The following EPM2A variants were observed in gnomAD, a reference collection of about 807,000 sequenced individuals.
EPM2A encodes the protein laforin.
Under a neutral mutation model 26.5 loss-of-function variants are expected in EPM2A, and 21 were observed. The ratio of observed to expected loss-of-function variants is 0.79; its 90% confidence interval spans 0.56 to 1.14. The LOEUF (loss-of-function observed/expected upper bound fraction) is 1.14, where lower values mean the gene tolerates loss of function less well. EPM2A is among the 50% of genes most tolerant of loss of function. The pLI, the probability that EPM2A is intolerant of heterozygous loss-of-function variation, is 0.00. For missense variants in EPM2A, 458 were observed against 440.8 expected (o/e 1.04, Z -0.35); for synonymous variants, 217 against 177.6 (o/e 1.22, Z -1.76).
rs549488799 is a variant in EPM2A, at chr6:145,484,952, T to C, written c.555+17570A>G. Among the ~76,000 whole-genome samples, 175 of 149,462 alleles carry C rather than the reference T, an allele frequency of 1.2e-3. 1 individual carries two copies. The highest frequency in any genetic ancestry group is 4.0e-3 in the African/African-American group (162 of 40,896). Reference sequence around the variant, plus strand: ...TTATTTTTATTGTTTTTGTTTTATTTTGGTATTCAGGTATAGATGTCTGAT... The same window carrying C: ...TTATTTTTATTGTTTTTGTTTTATTCTGGTATTCAGGTATAGATGTCTGAT... On this transcript the variant is annotated intron_variant, in intron 4 of 4. Transcript: ENST00000638717.
chr6:145,656,510 C>T (rs985021896), intron 2 of EPM2A, among the ~76,000 whole-genome samples: 3 of 152,158 alleles, frequency 2.0e-5, no homozygotes, highest in African/African-American at 4.8e-5. Flanking sequence ...ACTTTAATAT[C>T]GAGTAAGCAA....
intron 2 of EPM2A, among the ~76,000 whole-genome samples, chr6:145,539,564 T>C (rs1055192313): frequency 2.0e-5 from 3 of 152,206 alleles, no homozygotes; most frequent in Admixed American, 2.0e-4. Context: ...ATGTCCATCA[T>C]TGTTTATAAT....
intron 4 of EPM2A, among the ~76,000 whole-genome samples, chr6:145,460,470 T>C (rs1250895316): frequency 6.6e-6 from 1 of 152,180 alleles, no homozygotes; most frequent in Non-Finnish European, 1.5e-5. Flanking sequence ...TGCACTAAAC[T>C]GGATGGAGGT....
chr6:145,493,958 T>A (rs1779787159), intron 4 of EPM2A, among the ~76,000 whole-genome samples: 1 of 152,226 alleles, frequency 6.6e-6, no homozygotes, highest in Admixed American at 6.5e-5. Flanking sequence ...TTTTGTTGTA[T>A]TTCTGCCATG....
chr6:145,581,294 G>T (rs1382741526), intron 2 of EPM2A, among the ~76,000 whole-genome samples: 4 of 152,094 alleles, frequency 2.6e-5, no homozygotes, highest in Non-Finnish European at 5.9e-5. Context: ...CTGCGTGTAT[G>T]TGTTCTTTGA....
chr6:145,685,589 G>A (rs1289085224), intron 2 of EPM2A, among the ~76,000 whole-genome samples: 1 of 152,104 alleles, frequency 6.6e-6, no homozygotes, highest in Non-Finnish European at 1.5e-5. Context: ...AGTGGGAAAG[G>A]AGAAAAGGAT....
At chr6:145,480,946 C>T (rs1286513817) in intron 4 of EPM2A, among the ~76,000 whole-genome samples, 6 of 151,976 alleles carry the variant, frequency 3.9e-5, no homozygotes, top group African/African-American at 1.4e-4. Flanking sequence ...TGTGGAAAAC[C>T]TATGAGTCTA....
At chr6:145,516,545 C>T (rs755078059) in intron 2 of EPM2A, among the ~76,000 whole-genome samples, 17 of 152,112 alleles carry the variant, frequency 1.1e-4, no homozygotes, top group Non-Finnish European at 2.4e-4. Context: ...ATTTGGGCCA[C>T]CACAGCAGAG....
At chr6:145,604,812 A>G (rs1258792162) in intron 2 of EPM2A, among the ~76,000 whole-genome samples, 1 of 152,140 alleles carries the variant, frequency 6.6e-6, no homozygotes, top group African/African-American at 2.4e-5. Context: ...TTTTCTTCTC[A>G]CACTGACATG....
chr6:145,529,611 C>T (rs557184305), intron 2 of EPM2A, among the ~76,000 whole-genome samples: 1 of 152,296 alleles, frequency 6.6e-6, no homozygotes, highest in Non-Finnish European at 1.5e-5. Flanking sequence ...ACATTTTACA[C>T]ACTGGTAAAC....
chr6:145,677,313 C>T (rs988979895), intron 2 of EPM2A, among the ~76,000 whole-genome samples: 11 of 152,132 alleles, frequency 7.2e-5, no homozygotes, highest in African/African-American at 9.7e-5. Flanking sequence ...ATGACAAACC[C>T]ACAGCCAATA....
intron 4 of EPM2A, among the ~76,000 whole-genome samples, chr6:145,457,411 G>A (rs1176145692): frequency 6.6e-6 from 1 of 150,792 alleles, no homozygotes; most frequent in African/African-American, 2.4e-5. Context: ...TTGAACCTGG[G>A]AGGCAGAGGT....
At chr6:145,408,565 A>G (rs979280940) in intron 4 of EPM2A, among the ~76,000 whole-genome samples, 2 of 152,096 alleles carry the variant, frequency 1.3e-5, no homozygotes, top group Admixed American at 6.6e-5. Context: ...ATTCTCCTCA[A>G]TGACCCACTT....
chr6:145,513,261 G>A (rs1451947854), intron 2 of EPM2A, among the ~76,000 whole-genome samples: 1 of 152,000 alleles, frequency 6.6e-6, no homozygotes, highest in Non-Finnish European at 1.5e-5. Flanking sequence ...GAACAGACAT[G>A]TCTCAAAAGA....
At chr6:145,383,752 T>TA (rs1180328291) in exon 5 of EPM2A, 1 of 152,198 alleles carries the variant, frequency 6.6e-6, no homozygotes, top group African/African-American at 2.4e-5. Context: ...ATCATTTAAA[T>TA]AAAAACATAA....
chr6:145,507,207 C>T (rs1368166111), intron 2 of EPM2A, among the ~76,000 whole-genome samples: 2 of 152,170 alleles, frequency 1.3e-5, no homozygotes, highest in African/African-American at 2.4e-5. Context: ...AGAAAGAAAA[C>T]CTTTTCTTTT....
chr6:145,412,669 G>T (rs1316367811), intron 4 of EPM2A, among the ~76,000 whole-genome samples: 1 of 152,096 alleles, frequency 6.6e-6, no homozygotes, highest in Non-Finnish European at 1.5e-5. Flanking sequence ...ATTTACTGAG[G>T]GATTGAACAA....
At chr6:145,700,897 A>G (rs116954615) in intron 1 of EPM2A, among the ~76,000 whole-genome samples, 1,905 of 152,310 alleles carry the variant, frequency 0.013, 16 homozygotes, top group Non-Finnish European at 0.02. Flanking sequence ...ACCATCCCTG[A>G]TAGCTTCACA....
intron 2 of EPM2A, among the ~76,000 whole-genome samples, chr6:145,553,737 A>G (rs436156): frequency 0.36 from 53,772 of 150,846 alleles, 10,111 homozygotes; most frequent in South Asian, 0.51. Flanking sequence ...GAAGAGAAAT[A>G]CCATTTTATT....
Sources: allele counts gnomAD v4.1 joint callset (sites outside exome capture counted in the v4.1 genomes callset), GRCh38; gene constraint gnomAD v4.1.1; transcripts MANE v1.5; gene names NCBI Gene and HGNC (gene_info 2026-07-23, HGNC 2026-07-21).